Variants in DNER observed in about 807,000 individuals in gnomAD.
DNER encodes the protein delta/notch like EGF repeat containing, also known as delta and Notch-like epidermal growth factor-related receptor.
DNER carries 33 observed loss-of-function variants against 78.2 expected under a neutral mutation model. The ratio of observed to expected loss-of-function variants is 0.42; its 90% CI spans 0.32 to 0.56. DNER has a LOEUF of 0.56. Ranked by LOEUF, DNER falls within the 20% of genes least tolerant of loss-of-function variation. The pLI is 0.11. For synonymous variants in DNER, 417 were observed against 384.8 expected, an observed-to-expected ratio of 1.08 and a Z score of -0.98; for missense variants, 918 against 975.3, an observed-to-expected ratio of 0.94 and a Z score of 0.78.
chr2:229,656,016 A>AAC, intron 1 of DNER, among the ~76,000 whole-genome samples: 1 of 152,102 alleles, frequency 6.6e-6, no homozygotes, highest in South Asian at 2.1e-4. Context: ...GTCTGGAGGA[A>AAC]GCCTGGCCCC....
At chr2:229,381,564 C>T (rs561318040) in intron 11 of DNER, among the ~76,000 whole-genome samples, 7 of 152,246 alleles carry the variant, frequency 4.6e-5, no homozygotes, top group African/African-American at 1.7e-4. Flanking sequence ...AGTCTGAAGT[C>T]GACCTGGGAC....
At chr2:229,421,132 C>T (rs1270413953) in intron 8 of DNER, among the ~76,000 whole-genome samples, 1 of 152,102 alleles carries the variant, frequency 6.6e-6, no homozygotes, top group Non-Finnish European at 1.5e-5. Flanking sequence ...TATGGATGAA[C>T]CTTCAGGACA....
chr2:229,496,802 T>C (rs1695512475), intron 6 of DNER, among the ~76,000 whole-genome samples: 1 of 152,158 alleles, frequency 6.6e-6, no homozygotes, highest in Non-Finnish European at 1.5e-5. Flanking sequence ...CCTACATACA[T>C]AAGGCAAATA....
intron 4 of DNER, among the ~76,000 whole-genome samples, chr2:229,569,563 G>A (rs1215231145): frequency 1.3e-5 from 2 of 151,986 alleles, no homozygotes; most frequent in Admixed American, 6.6e-5. Flanking sequence ...CTCTATATAA[G>A]ATGGAGTAGT....
intron 1 of DNER, among the ~76,000 whole-genome samples, chr2:229,625,889 TTTGTTGTTTTTGTTG>T (rs778072823): frequency 2.3e-5 from 3 of 130,176 alleles, no homozygotes; most frequent in South Asian, 4.3e-4. Context: ...CAACTTTGTT[TTTGTTGTTTTTGTTG>T]TTGTTGTTGT....
At chr2:229,583,857 A>G (rs149407972) in intron 4 of DNER, among the ~76,000 whole-genome samples, 1 of 152,312 alleles carries the variant, frequency 6.6e-6, no homozygotes, top group African/African-American at 2.4e-5. Flanking sequence ...ATAGTCAAAC[A>G]CCAGTCTGAA....
intron 7 of DNER, among the ~76,000 whole-genome samples, chr2:229,471,495 C>T (rs575738873): frequency 6.6e-6 from 1 of 152,194 alleles, no homozygotes; most frequent in African/African-American, 2.4e-5. Flanking sequence ...TCTCTATAAA[C>T]ATGACTTGAA....
intron 1 of DNER, among the ~76,000 whole-genome samples, chr2:229,660,750 T>A (rs1233175359): frequency 6.6e-6 from 1 of 152,192 alleles, no homozygotes; most frequent in African/African-American, 2.4e-5. Context: ...AATGCAGTGA[T>A]CAGTCTATCT....
At chr2:229,593,253 C>G (rs1697641477) in intron 1 of DNER, among the ~76,000 whole-genome samples, 2 of 152,184 alleles carry the variant, frequency 1.3e-5, no homozygotes, top group Non-Finnish European at 1.5e-5. Flanking sequence ...TCTCCTCCCA[C>G]AAACCTTCCT....
intron 10 of DNER, among the ~76,000 whole-genome samples, chr2:229,404,797 G>T (rs1484332981): frequency 3.3e-5 from 5 of 152,130 alleles, no homozygotes; most frequent in Non-Finnish European, 7.4e-5. Context: ...AATTTTAAAT[G>T]CATTAGAGAC....
chr2:229,709,477 G>A (rs1286897583), intron 1 of DNER, among the ~76,000 whole-genome samples: 3 of 152,036 alleles, frequency 2.0e-5, no homozygotes, highest in Non-Finnish European at 4.4e-5. Flanking sequence ...GTTTGTGTGT[G>A]TCTGTGTGTG....
chr2:229,492,718 G>C (rs746973964), intron 6 of DNER, among the ~76,000 whole-genome samples: 4 of 152,038 alleles, frequency 2.6e-5, no homozygotes, highest in South Asian at 2.1e-4. Context: ...ACCCAGGTTG[G>C]AGTGCAGTAG....
chr2:229,520,354 A>AG (rs1464879969), intron 5 of DNER, among the ~76,000 whole-genome samples: 1 of 152,220 alleles, frequency 6.6e-6, no homozygotes, highest in Non-Finnish European at 1.5e-5. Context: ...GGCGACTAAC[A>AG]GGCCCCTAAC....
At chr2:229,366,569 A>T (rs1442118166) in intron 12 of DNER, among the ~76,000 whole-genome samples, 1 of 152,254 alleles carries the variant, frequency 6.6e-6, no homozygotes, top group African/African-American at 2.4e-5. Flanking sequence ...AAAAAATTCA[A>T]CAAAAAAAGT....
chr2:229,577,493 G>A (rs951162250), intron 4 of DNER, among the ~76,000 whole-genome samples: 2 of 152,110 alleles, frequency 1.3e-5, no homozygotes, highest in African/African-American at 4.8e-5. Context: ...AAATTAGCTG[G>A]GCGTGGTGGT....
chr2:229,376,266 G>T (rs1004501186), intron 11 of DNER, among the ~76,000 whole-genome samples: 1 of 152,118 alleles, frequency 6.6e-6, no homozygotes, highest in Non-Finnish European at 1.5e-5. Flanking sequence ...CTGCCTTCAT[G>T]AACTAGGTTA....
At chr2:229,410,141 C>A (rs900497183) in intron 9 of DNER, among the ~76,000 whole-genome samples, 2 of 152,148 alleles carry the variant, frequency 1.3e-5, no homozygotes, top group Non-Finnish European at 2.9e-5. Context: ...GCATATTTAA[C>A]TAATCTCTCA....
rs145048100 is a variant in DNER, at chr2:229,490,330, C to G, written c.1148-13077G>C. Among the ~76,000 whole-genome samples the G allele has an allele frequency of 2.0e-3, 299 of 152,254 alleles. 2 individuals are homozygous for G. The highest frequency in any genetic ancestry group is 7.0e-3 in the African/African-American group (289 of 41,548). ...ACAATAGCCAAAAGATGGAAATACTCCAAGTGTCTGTCAGCGCATAAAGGG... is the reference window on the plus strand; with the variant it reads ...ACAATAGCCAAAAGATGGAAATACTGCAAGTGTCTGTCAGCGCATAAAGGG... On this transcript the variant is annotated intron_variant, in intron 6 of 12. Coordinates refer to ENST00000341772, the MANE Select transcript of DNER (RefSeq NM_139072.4).
chr2:229,665,332 T>G lies in DNER; in HGVS notation c.276+48816A>C, dbSNP rs117431715. ...AAGGGATTCCAAGAAAGCCAGTGTT[T>G]GTTCCAAGGGTTGGTCACCAGGTCC... On this transcript the variant is annotated intron_variant, in intron 1 of 12. Transcript: ENST00000341772. 4.1e-3 allele frequency among the ~76,000 whole-genome samples: 624 copies of G among 152,270 alleles called. 2 individuals carry two copies. Among genetic ancestry groups the G allele is most frequent in the East Asian group, 0.031 (161 of 5,176 alleles).
Sources: gnomAD v4.1 joint callset for allele counts (sites outside exome capture counted in the v4.1 genomes callset) on GRCh38, gnomAD v4.1.1 for gene constraint, MANE v1.5 for transcripts, NCBI Gene and HGNC (gene_info 2026-07-23, HGNC 2026-07-21) for gene names.